The following MUC15 variants were observed in gnomAD, a reference collection of about 807,000 sequenced individuals.
MUC15 encodes mucin 15, cell surface associated.
A neutral mutation model predicts 24.0 loss-of-function variants in MUC15; 23 were observed. The observed-to-expected ratio is 0.96, with a 90% CI of 0.69 to 1.36. The LOEUF (loss-of-function observed/expected upper bound fraction) is 1.36. Ranked by LOEUF, MUC15 falls within the 40% of genes most tolerant of loss-of-function variation. The pLI is 0.00. For missense variants in MUC15, 442 were observed against 428.2 expected (o/e 1.03, Z -0.29); for synonymous variants, 151 against 156.3 (o/e 0.97, Z 0.25).
Position 26,559,965 on chromosome 11 carries a change from C to A in MUC15, c.*1100G>T, listed in dbSNP as rs1402357574. 3 of 470,218 alleles carry A rather than the reference C, an allele frequency of 6.4e-6. No homozygotes were observed. The highest frequency in any genetic ancestry group is 4.8e-5 in the South Asian group (1 of 20,678). 29.1% of individuals were successfully genotyped at this position (470,218 alleles called of 1,614,324 possible). A position where few individuals can be genotyped will look rare whatever the true frequency, so the allele number is the denominator to read the frequency against. On this transcript the variant is annotated 3_prime_UTR_variant, in exon 5 of 5. Coordinates refer to ENST00000529533, the MANE Select transcript of MUC15 (RefSeq NM_001135091.2). ...TCAGTGCTTCTTTAGGAATTTAACT[C>A]TTGATCTCATCCTCTAATCTCTAAA...
intron 3 of MUC15, among the ~76,000 whole-genome samples, chr11:26,564,730 C>CATATATATAT (rs1850477575): frequency 4.2e-5 from 1 of 24,030 alleles, no homozygotes; most frequent in Non-Finnish European, 7.9e-5. Flanking sequence ...CACACACACA[C>CATATATATAT]ACATATATAT....
chr11:26,568,258 G>T (rs1850674173), intron 1 of MUC15, among the ~76,000 whole-genome samples: 1 of 151,980 alleles, frequency 6.6e-6, no homozygotes, highest in Non-Finnish European at 1.5e-5. Flanking sequence ...GTGAAGAAGG[G>T]CTTATTAATC....
Position 26,560,421 on chromosome 11 carries a change from G to A in MUC15, c.*644C>T, listed in dbSNP as rs2134246670. ...TTTTAAAGAAGCTATTACTTTCCTG[G>A]GTAGGGTCAGCTTTCCTGCCATGGC... On this transcript the variant is annotated 3_prime_UTR_variant, in exon 5 of 5. Transcript: ENST00000529533. 6.6e-6 allele frequency: 1 copy of A among 152,208 alleles called. No homozygotes were observed. Among genetic ancestry groups the A allele is most frequent in the African/African-American group, 2.4e-5 (1 of 41,520 alleles). 9.4% of individuals were successfully genotyped at this position (152,208 alleles called of 1,614,324 possible).
chr11:26,569,281 C>T (rs937086560), intron 1 of MUC15, among the ~76,000 whole-genome samples: 1 of 152,082 alleles, frequency 6.6e-6, no homozygotes, highest in Admixed American at 6.6e-5. Context: ...TAATTTATCT[C>T]CCAGGAAAAG....
Position 26,559,537 on chromosome 11 carries a change from A to T in MUC15, c.*1528T>A. ...TAATGTTGTTTCTTCACCTCTCCCC[A>T]TGAGAAAAATCATGTGAAATTGTTG... On this transcript the variant is annotated 3_prime_UTR_variant, in exon 5 of 5. Transcript: ENST00000529533. The T allele has an allele frequency of 3.5e-6, 2 of 569,884 alleles. No homozygotes were observed. Among genetic ancestry groups the T allele is most frequent in the South Asian group, 2.3e-5 (1 of 43,354 alleles). 35.3% of individuals were successfully genotyped at this position (569,884 alleles called of 1,614,324 possible).
chr11:26,568,193 T>C (rs1428321336), intron 1 of MUC15, among the ~76,000 whole-genome samples: 1 of 152,098 alleles, frequency 6.6e-6, no homozygotes, highest in Non-Finnish European at 1.5e-5. Context: ...ATGCATTTGA[T>C]ATATCAGCTG....
chr11:26,562,994 CT>C, intron 4 of MUC15, 121 bp downstream of exon 4: 1 of 1,363,596 alleles, frequency 7.3e-7, no homozygotes, highest in African/African-American at 1.5e-5. Context: ...CAGAATAAGT[CT>C]TTAGTTTGTT....
Position 26,559,694 on chromosome 11 carries a change from A to G in MUC15, c.*1371T>C, listed in dbSNP as rs2134244269. 1 of 1,572,096 alleles carries G rather than the reference A, an allele frequency of 6.4e-7. No homozygotes were observed. Among genetic ancestry groups the G allele is most frequent in the South Asian group, 1.1e-5 (1 of 90,240 alleles). On this transcript the variant is annotated 3_prime_UTR_variant, in exon 5 of 5. Coordinates refer to ENST00000529533, the MANE Select transcript of MUC15 (RefSeq NM_001135091.2). ...TTATTATAATCAATTTGCATGACTAATATTTCTGTTTGTTTTCTACTCAGG... is the reference window on the plus strand; with the variant it reads ...TTATTATAATCAATTTGCATGACTAGTATTTCTGTTTGTTTTCTACTCAGG...
Position 26,560,916 on chromosome 11 carries a change from T to G in MUC15, c.*149A>C. ...AAACCTTTGGATGATACATCCTGTCTACATTTCTGCTACTGGTCTCCTGCT... is the reference window on the plus strand; with the variant it reads ...AAACCTTTGGATGATACATCCTGTCGACATTTCTGCTACTGGTCTCCTGCT... On this transcript the variant is annotated 3_prime_UTR_variant, in exon 5 of 5. Coordinates refer to ENST00000529533, the MANE Select transcript of MUC15 (RefSeq NM_001135091.2). The G allele has an allele frequency of 1.4e-6, 1 of 737,640 alleles. No homozygotes were observed. The highest frequency in any genetic ancestry group is 3.1e-5 in the East Asian group (1 of 32,574). The allele number at this position is 737,640 out of a possible 1,614,324, so 45.7% of individuals were successfully genotyped here.
intron 3 of MUC15, among the ~76,000 whole-genome samples, chr11:26,564,716 CACACACACACACACACATAT>C (rs1565108572): frequency 2.7e-5 from 2 of 74,352 alleles, no homozygotes; most frequent in Non-Finnish European, 5.2e-5. Context: ...CACACACACA[CACACACACACACACACATAT>C]ATATATATAT....
chr11:26,561,213 T>G lies in MUC15; in HGVS notation c.938A>C (p.Asp313Ala). 2 of 1,604,420 alleles carry G rather than the reference T, an allele frequency of 1.2e-6. No homozygotes were observed. Among genetic ancestry groups the G allele is most frequent in the Non-Finnish European group, 1.7e-6 (2 of 1,175,680 alleles). Residue 313 changes from aspartate (D) to alanine (A), a missense_variant, in exon 5 of 5, where the codon GAC (aspartate) becomes GCC (alanine). Physicochemically the swap from Asp to Ala is moderately radical, Grantham distance 126. Coordinates refer to ENST00000529533, the MANE Select transcript of MUC15 (RefSeq NM_001135091.2). The part of the protein sequence containing the change: ...DDRNEPVLRL[D>A]NAPEPYDVSF... The stretch of plus-strand genomic sequence containing the variant: ...CACATCATAAGGTTCCGGTGCATTG[T>G]CTAATCGCAGAACTAAAAAAGTAAC...
rs1355576700 is a variant in MUC15, at chr11:26,564,825, CA to C, written c.775+339del. On this transcript the variant is annotated intron_variant, in intron 3 of 4. Transcript: ENST00000529533. Reference sequence around the variant, plus strand: ...GTATTCACATGAGCATGTGAAATTTCAGGTAGTCTTTTCAAGATTCATTGAA... The same window carrying C: ...GTATTCACATGAGCATGTGAAATTTCGGTAGTCTTTTCAAGATTCATTGAA... Among the ~76,000 whole-genome samples, 12 of 129,974 alleles carry C rather than the reference CA, an allele frequency of 9.2e-5. 1 individual carries two copies. In the East Asian group the frequency reaches 3.1e-3, roughly 34 times the overall value. The allele number at this position is 129,974 out of a possible 152,430, so 85.3% of individuals were successfully genotyped here.
At position 26,565,797 on chromosome 11, in the gene MUC15, C is replaced by G; in HGVS notation, c.143G>C (p.Ser48Thr). 6.2e-7 allele frequency: 1 copy of G among 1,613,204 alleles called. No individual in the cohort carries two copies. Among genetic ancestry groups the G allele is most frequent in the Non-Finnish European group, 8.5e-7 (1 of 1,179,462 alleles). ...STLFYSLLSG[S>T]HGKENQDINT... ...TATGTCTTGATTTTCTTTTCCATGG[C>G]TCCCCGATAGAAGTGAATAAAACAA... The change falls in exon 3 of 5, where the codon AGC (serine) becomes ACC (threonine). Residue 48 changes from serine to threonine, a missense_variant. By Grantham distance (58) the Ser-to-Thr change is moderately conservative (BLOSUM62 1). Coordinates refer to ENST00000529533, the MANE Select transcript of MUC15 (RefSeq NM_001135091.2).
chr11:26,559,835 TACACACACACACACACACACACACACAC>T lies in MUC15; in HGVS notation c.*1202_*1229del. ...TTATTTTCTGAAGCTGTTTCTGTGTTACACACACACACACACACACACACACACACACACACACACCATGAATCAATTC... is the reference window on the plus strand; with the variant it reads ...TTATTTTCTGAAGCTGTTTCTGTGTTACACACACACACCATGAATCAATTC... On this transcript the variant is annotated 3_prime_UTR_variant, in exon 5 of 5. Coordinates refer to ENST00000529533, the MANE Select transcript of MUC15 (RefSeq NM_001135091.2). The T allele has an allele frequency of 1.5e-6, 1 of 660,904 alleles. No homozygotes were observed. The highest frequency in any genetic ancestry group is 2.0e-5 in the Admixed American group (1 of 49,282). The allele number at this position is 660,904 out of a possible 1,614,324, so 40.9% of individuals were successfully genotyped here.
At chr11:26,566,181 T>A (rs1850575824) in intron 2 of MUC15, among the ~76,000 whole-genome samples, 1 of 151,880 alleles carries the variant, frequency 6.6e-6, no homozygotes, top group South Asian at 2.1e-4. Flanking sequence ...TGGGAAAAGG[T>A]GGAAGAAAAC....
At chr11:26,571,202 G>A (rs1251043972) in intron 1 of MUC15, among the ~76,000 whole-genome samples, 1 of 152,030 alleles carries the variant, frequency 6.6e-6, no homozygotes, top group Non-Finnish European at 1.5e-5. Flanking sequence ...TCTCCGAAAG[G>A]AAAGTTCTAG....
At chr11:26,568,307 AG>A (rs1407454698) in intron 1 of MUC15, among the ~76,000 whole-genome samples, 1 of 152,042 alleles carries the variant, frequency 6.6e-6, no homozygotes, top group African/African-American at 2.4e-5. Flanking sequence ...AAATAATGTA[AG>A]TAATGTGTCC....
Position 26,563,136 on chromosome 11 carries a change from T to TA in MUC15, c.904dup (p.Tyr302LeufsTer2), listed in dbSNP as rs754005189. On this transcript the variant is annotated frameshift_variant, in exon 4 of 5. Transcript: ENST00000529533. LOFTEE classifies it high-confidence loss of function. The stretch of plus-strand genomic sequence containing the variant: ...TTTACCTGGTTCATTTCTGTCGTCA[T>TA]AAAGTCGCCGATGGGAAAATGAATC... 5 of 1,612,052 alleles carry TA rather than the reference T, an allele frequency of 3.1e-6. No individual in the cohort carries two copies. Among genetic ancestry groups the TA allele is most frequent in the Non-Finnish European group, 4.2e-6 (5 of 1,178,788 alleles).
In MUC15 at chr11:26,565,791, C is replaced by G; in HGVS notation, c.149G>C (p.Gly50Ala). 1 of 1,610,142 alleles carries G rather than the reference C, an allele frequency of 6.2e-7. No homozygotes were observed. ...TGTGTTTATGTCTTGATTTTCTTTT[C>G]CATGGCTCCCCGATAGAAGTGAATA... ...LFYSLLSGSH[G>A]KENQDINTTQ... is the part of the protein sequence containing the mutation. The change falls in exon 3 of 5, where the codon GGA (glycine) becomes GCA (alanine). Residue 50 changes from glycine to alanine, a missense_variant. By Grantham distance (60) the Gly-to-Ala change is moderately conservative. Transcript: ENST00000529533.
Sources: allele counts gnomAD v4.1 joint callset (sites outside exome capture counted in the v4.1 genomes callset), GRCh38; gene constraint gnomAD v4.1.1; transcripts MANE v1.5; gene names NCBI Gene and HGNC (gene_info 2026-07-23, HGNC 2026-07-21).